CSRNP3: variants seen among roughly 807,000 people sequenced by gnomAD.
CSRNP3 encodes the protein cysteine/serine-rich nuclear protein 3.
Under a neutral mutation model 48.0 loss-of-function variants are expected in CSRNP3, and 12 were observed. That is an observed-to-expected ratio of 0.25 (90% CI 0.16 to 0.41). The LOEUF (loss-of-function observed/expected upper bound fraction) is 0.41, where lower values mean the gene tolerates loss of function less well. Among genes scored for constraint, CSRNP3 ranks in the 10% least tolerant of loss-of-function variants. CSRNP3 has a pLI of 1.00. For synonymous variants in CSRNP3, 263 were observed against 269.7 expected (o/e 0.98, Z 0.24); for missense variants, 580 against 724.4 (o/e 0.80, Z 2.29).
chr2:165,687,963 G>A lies in CSRNP3; in HGVS notation c.*8210G>A, dbSNP rs566718333. 2.7e-5 allele frequency: 4 copies of A among 150,528 alleles called. No individual in the cohort carries two copies. The highest frequency in any genetic ancestry group is 7.4e-5 in the African/African-American group (3 of 40,816). 9.3% of individuals were successfully genotyped at this position (150,528 alleles called of 1,614,324 possible). On this transcript the variant is annotated 3_prime_UTR_variant, in exon 7 of 7. Transcript: ENST00000651982. ...GTACAGCTGCATATCTCCCAAACTC[G>A]GATGCTCTTGTGAAATGACAGCCAC...
At chr2:165,592,735 C>A (rs1376252983) in intron 3 of CSRNP3, among the ~76,000 whole-genome samples, 2 of 151,912 alleles carry the variant, frequency 1.3e-5, no homozygotes. Context: ...TCCCCTTCTG[C>A]CATGATTGTA....
chr2:165,471,820 T>A (rs559205786), intron 1 of CSRNP3, among the ~76,000 whole-genome samples: 1 of 148,158 alleles, frequency 6.7e-6, no homozygotes, highest in African/African-American at 2.5e-5. Context: ...CAGGAAGAGA[T>A]AGAGAGAGAG....
intron 4 of CSRNP3, among the ~76,000 whole-genome samples, chr2:165,646,211 A>T (rs1245483115): frequency 1.3e-5 from 2 of 151,950 alleles, no homozygotes; most frequent in Admixed American, 1.3e-4. Context: ...ATGCATCAAG[A>T]TTTCATCCTT....
intron 4 of CSRNP3, among the ~76,000 whole-genome samples, chr2:165,602,018 G>A (rs908305734): frequency 3.3e-5 from 5 of 152,080 alleles, no homozygotes; most frequent in East Asian, 1.9e-4. Context: ...ACAACTTGGC[G>A]ATACAGTGAT....
chr2:165,576,148 C>T (rs536821954), intron 3 of CSRNP3, among the ~76,000 whole-genome samples: 13 of 150,536 alleles, frequency 8.6e-5, no homozygotes, highest in Non-Finnish European at 1.8e-4. Flanking sequence ...TATATACACA[C>T]ACATATGTGT....
In CSRNP3 at chr2:165,549,808, T is replaced by C. The variant is rs183718212; in HGVS notation, c.-24+31847T>C. ...GTATGGCAGCCTACAGGAGCTTTGTTGTAGTCTATATGGTGCAGACAATGT... is the reference window on the plus strand; with the variant it reads ...GTATGGCAGCCTACAGGAGCTTTGTCGTAGTCTATATGGTGCAGACAATGT... On this transcript the variant is annotated intron_variant, in intron 3 of 6. Transcript: ENST00000651982. Among the ~76,000 whole-genome samples the C allele has an allele frequency of 2.2e-3, 338 of 152,234 alleles. 1 individual carries two copies. The highest frequency in any genetic ancestry group is 3.9e-3 in the Non-Finnish European group (267 of 67,996).
chr2:165,483,430 G>GT (rs1288222689), intron 1 of CSRNP3, among the ~76,000 whole-genome samples: 2 of 152,070 alleles, frequency 1.3e-5, no homozygotes, highest in African/African-American at 4.8e-5. Context: ...GTTGTTTCTT[G>GT]TAACAATAGC....
chr2:165,480,941 G>A lies in CSRNP3; in HGVS notation c.-283+11201G>A, dbSNP rs149581693. Among the ~76,000 whole-genome samples the A allele has an allele frequency of 2.5e-3, 371 of 149,476 alleles. 16 individuals are homozygous for A. The East Asian group carries it at 0.057, about 23-fold the overall frequency. ...AGGCAGGAAGATTGCTTGAGCCCAG[G>A]AATTCAAAACCAGTCTGGACAACAT... On this transcript the variant is annotated intron_variant, in intron 1 of 6. Coordinates refer to ENST00000651982, the MANE Select transcript of CSRNP3 (RefSeq NM_001172173.2).
intron 4 of CSRNP3, among the ~76,000 whole-genome samples, chr2:165,648,910 C>T (rs192596516): frequency 2.0e-5 from 3 of 152,228 alleles, no homozygotes; most frequent in East Asian, 1.9e-4. Context: ...GATGAGTATT[C>T]GATCAAACCA....
intron 4 of CSRNP3, among the ~76,000 whole-genome samples, chr2:165,648,303 A>G (rs1169794228): frequency 6.6e-6 from 1 of 152,144 alleles, no homozygotes; most frequent in Non-Finnish European, 1.5e-5. Flanking sequence ...ACAATTTTAC[A>G]TATAATTTAA....
intron 4 of CSRNP3, among the ~76,000 whole-genome samples, chr2:165,611,775 C>G (rs1452860959): frequency 6.6e-6 from 1 of 152,080 alleles, no homozygotes; most frequent in African/African-American, 2.4e-5. Flanking sequence ...AAGCCAGATT[C>G]AAACCCAGAC....
chr2:165,687,804 C>A lies in CSRNP3; in HGVS notation c.*8051C>A, dbSNP rs1318737796. 6.6e-6 allele frequency: 1 copy of A among 152,066 alleles called. No homozygotes were observed. The highest frequency in any genetic ancestry group is 1.5e-5 in the Non-Finnish European group (1 of 67,970). 9.4% of individuals were successfully genotyped at this position (152,066 alleles called of 1,614,324 possible). ...TTCTGGTTACATCACTTGATTCAAG[C>A]ACTCCCTGGAGCTTTCAAAGCCTTT... is the stretch of plus-strand genomic sequence containing the variant. On this transcript the variant is annotated 3_prime_UTR_variant, in exon 7 of 7. Coordinates refer to ENST00000651982, the MANE Select transcript of CSRNP3 (RefSeq NM_001172173.2).
chr2:165,568,751 G>A (rs760939324), intron 3 of CSRNP3, among the ~76,000 whole-genome samples: 1 of 151,960 alleles, frequency 6.6e-6, no homozygotes. Flanking sequence ...GAAAAGAATT[G>A]CAAAGAATTT....
At chr2:165,581,007 T>C (rs1685537339) in intron 3 of CSRNP3, among the ~76,000 whole-genome samples, 1 of 152,198 alleles carries the variant, frequency 6.6e-6, no homozygotes, top group Non-Finnish European at 1.5e-5. Context: ...GAGGGAAAAG[T>C]AGGCTTACAC....
At chr2:165,649,389 C>T (rs981200404) in intron 4 of CSRNP3, among the ~76,000 whole-genome samples, 1 of 152,158 alleles carries the variant, frequency 6.6e-6, no homozygotes, top group Non-Finnish European at 1.5e-5. Context: ...GAAATATTTA[C>T]AGCTAAATGG....
chr2:165,522,972 G>C (rs1209392991), intron 3 of CSRNP3, among the ~76,000 whole-genome samples: 1 of 152,100 alleles, frequency 6.6e-6, no homozygotes, highest in African/African-American at 2.4e-5. Flanking sequence ...CATTCTGACT[G>C]TGGTCGGCCA....
chr2:165,521,656 G>C (rs1350662861), intron 3 of CSRNP3, among the ~76,000 whole-genome samples: 2 of 151,966 alleles, frequency 1.3e-5, no homozygotes, highest in Admixed American at 6.6e-5. Flanking sequence ...TTCTTCCATC[G>C]TTCTGGCAAA....
chr2:165,609,332 G>A (rs1244753369), intron 4 of CSRNP3, among the ~76,000 whole-genome samples: 1 of 150,958 alleles, frequency 6.6e-6, no homozygotes, highest in Non-Finnish European at 1.5e-5. Flanking sequence ...GGTGGCGGGC[G>A]CTTGTAGTCC....
chr2:165,553,855 A>G (rs896136709), intron 3 of CSRNP3, among the ~76,000 whole-genome samples: 1 of 152,134 alleles, frequency 6.6e-6, no homozygotes, highest in Non-Finnish European at 1.5e-5. Flanking sequence ...CTATCAGCAT[A>G]TAAATATACT....
Sources: gnomAD v4.1 joint callset for allele counts (sites outside exome capture counted in the v4.1 genomes callset) on GRCh38, gnomAD v4.1.1 for gene constraint, MANE v1.5 for transcripts, NCBI Gene and HGNC (gene_info 2026-07-23, HGNC 2026-07-21) for gene names.